Variants in ZSWIM6 observed in about 807,000 individuals in gnomAD.
ZSWIM6 encodes the protein zinc finger SWIM-type containing 6, also known as zinc finger SWIM domain-containing protein 6.
A neutral mutation model predicts 113.2 loss-of-function variants in ZSWIM6; 9 were observed. The observed-to-expected ratio is 0.08, with a 90% CI of 0.05 to 0.14. The LOEUF is 0.14. ZSWIM6 is among the 10% of genes least tolerant of loss of function. ZSWIM6 has a pLI of 1.00. For missense variants in ZSWIM6, 1,162 were observed against 1,552.2 expected, an observed-to-expected ratio of 0.75 and a Z score of 4.22; for synonymous variants, 611 against 606.5, an observed-to-expected ratio of 1.01 and a Z score of -0.11.
At chr5:61,458,867 G>T (rs1580006711) in intron 1 of ZSWIM6, among the ~76,000 whole-genome samples, 1 of 143,928 alleles carries the variant, frequency 6.9e-6, no homozygotes, top group East Asian at 2.1e-4. Flanking sequence ...AACAGAGCGA[G>T]ATTCCTTCTC....
At chr5:61,349,328 G>C (rs573500524) in intron 1 of ZSWIM6, among the ~76,000 whole-genome samples, 6 of 152,288 alleles carry the variant, frequency 3.9e-5, no homozygotes, top group African/African-American at 1.2e-4. Flanking sequence ...AACAGTGCCA[G>C]TGCATTATAT....
At chr5:61,339,396 G>T (rs1296103648) in intron 1 of ZSWIM6, among the ~76,000 whole-genome samples, 1 of 152,130 alleles carries the variant, frequency 6.6e-6, no homozygotes, top group African/African-American at 2.4e-5. Flanking sequence ...CTGGGTGACA[G>T]AGCGAGAACC....
intron 1 of ZSWIM6, among the ~76,000 whole-genome samples, chr5:61,404,038 C>T (rs1306596219): frequency 6.7e-6 from 1 of 149,752 alleles, no homozygotes. Flanking sequence ...GACGGAGTCT[C>T]GCTCTGCCGC....
At chr5:61,464,928 A>G (rs529819790) in intron 1 of ZSWIM6, among the ~76,000 whole-genome samples, 213 of 152,306 alleles carry the variant, frequency 1.4e-3, no homozygotes, top group Middle Eastern at 3.4e-3. Context: ...GCTCTAATAA[A>G]CTTCATCTGC....
At chr5:61,402,556 GTAC>G (rs956672565) in intron 1 of ZSWIM6, among the ~76,000 whole-genome samples, 1 of 151,806 alleles carries the variant, frequency 6.6e-6, no homozygotes, top group Non-Finnish European at 1.5e-5. Context: ...AAAACAGGAA[GTAC>G]TATGTCCAGA....
intron 1 of ZSWIM6, among the ~76,000 whole-genome samples, chr5:61,414,258 A>G (rs1402314020): frequency 6.6e-6 from 1 of 152,106 alleles, no homozygotes; most frequent in Non-Finnish European, 1.5e-5. Context: ...AGAAGTGGAC[A>G]TATCAGCCCA....
chr5:61,415,852 A>T (rs897885142), intron 1 of ZSWIM6, among the ~76,000 whole-genome samples: 4 of 152,224 alleles, frequency 2.6e-5, no homozygotes, highest in African/African-American at 9.6e-5. Context: ...TTTAAAAAAG[A>T]TTTTTGGTTT....
At chr5:61,336,369 A>G (rs1027591486) in intron 1 of ZSWIM6, among the ~76,000 whole-genome samples, 2 of 152,378 alleles carry the variant, frequency 1.3e-5, no homozygotes, top group South Asian at 2.1e-4. Flanking sequence ...TAGAAGTTAC[A>G]TAAAAAAAAA....
chr5:61,423,427 A>T lies in ZSWIM6; in HGVS notation c.677-49254A>T, dbSNP rs115365376. On this transcript the variant is annotated intron_variant, in intron 1 of 13. Transcript: ENST00000252744. ...CCATCTCAAAAAAAAAACACAAAAA[A>T]AAAACAAAACGGCAACAACAAAAAA... is the stretch of plus-strand genomic sequence containing the variant. Among the ~76,000 whole-genome samples, 1,416 of 152,122 alleles carry T rather than the reference A, an allele frequency of 9.3e-3. 24 individuals are homozygous for T. The highest frequency in any genetic ancestry group is 0.032 in the African/African-American group (1,337 of 41,480).
intron 1 of ZSWIM6, among the ~76,000 whole-genome samples, chr5:61,355,002 A>T (rs1052060526): frequency 2.0e-5 from 3 of 152,200 alleles, no homozygotes; most frequent in African/African-American, 7.2e-5. Context: ...ATGAGTAATT[A>T]AAGGTATCTC....
At chr5:61,417,196 T>G (rs1426808584) in intron 1 of ZSWIM6, among the ~76,000 whole-genome samples, 1 of 152,082 alleles carries the variant, frequency 6.6e-6, no homozygotes, top group Non-Finnish European at 1.5e-5. Context: ...TGTAGACTAA[T>G]GGAAATTAGG....
intron 1 of ZSWIM6, among the ~76,000 whole-genome samples, chr5:61,423,882 G>A (rs554655563): frequency 6.6e-6 from 1 of 152,210 alleles, no homozygotes; most frequent in East Asian, 1.9e-4. Flanking sequence ...ACTGGCTGAC[G>A]ACATTTTATC....
intron 1 of ZSWIM6, among the ~76,000 whole-genome samples, chr5:61,356,928 A>G (rs74736625): frequency 0.027 from 4,134 of 150,828 alleles, 178 homozygotes; most frequent in East Asian, 0.21. Context: ...GGATTTTACT[A>G]TCCAGTTTAT....
At chr5:61,380,325 C>G (rs1470369296) in intron 1 of ZSWIM6, among the ~76,000 whole-genome samples, 2 of 152,168 alleles carry the variant, frequency 1.3e-5, no homozygotes, top group African/African-American at 4.8e-5. Flanking sequence ...ATCCGCCTGC[C>G]TCGGCCTCCC....
At chr5:61,371,809 T>C (rs1689244869) in intron 1 of ZSWIM6, among the ~76,000 whole-genome samples, 1 of 152,222 alleles carries the variant, frequency 6.6e-6, no homozygotes, top group Non-Finnish European at 1.5e-5. Flanking sequence ...TGTGAAACCT[T>C]TAATCTGTGG....
rs186847079 is a variant in ZSWIM6 at position 61,391,414 on chromosome 5, A to G, written c.676+58466A>G. 7.5e-5 allele frequency: 73 copies of G among 975,242 alleles called. No homozygotes were observed. The African/African-American group carries it at 8.8e-4, about 12-fold the overall frequency. 60.4% of individuals were successfully genotyped at this position (975,242 alleles called of 1,614,324 possible). A position where few individuals can be genotyped will look rare whatever the true frequency, so the allele number is the denominator to read the frequency against. On this transcript the variant is annotated intron_variant, in intron 1 of 13. Coordinates refer to ENST00000252744, the MANE Select transcript of ZSWIM6 (RefSeq NM_020928.2). ...GCAGATGACTTGGCGGTACTTCTTCATGCTGCTGAAGTCCTTCTCCAGCTG... is the reference window on the plus strand; with the variant it reads ...GCAGATGACTTGGCGGTACTTCTTCGTGCTGCTGAAGTCCTTCTCCAGCTG...
chr5:61,542,101 C>A, intron 13 of ZSWIM6, 136 bp downstream of exon 13: 1 of 673,440 alleles, frequency 1.5e-6, no homozygotes, highest in Non-Finnish European at 2.5e-6. Flanking sequence ...ACAAGGGCTT[C>A]CTTCTCCCTG....
chr5:61,539,846 G>T, intron 12 of ZSWIM6, 87 bp downstream of exon 12: 2 of 1,310,242 alleles, frequency 1.5e-6, no homozygotes, highest in Non-Finnish European at 2.1e-6. Context: ...TTGGATTTTT[G>T]AGTGCAGGTA....
intron 1 of ZSWIM6, among the ~76,000 whole-genome samples, chr5:61,434,690 G>A (rs1477463661): frequency 1.3e-5 from 2 of 152,050 alleles, no homozygotes; most frequent in African/African-American, 2.4e-5. Context: ...CCACTTGTTG[G>A]TTGATGGGCA....
Sources: allele counts gnomAD v4.1 joint callset (sites outside exome capture counted in the v4.1 genomes callset), GRCh38; gene constraint gnomAD v4.1.1; transcripts MANE v1.5; gene names NCBI Gene and HGNC (gene_info 2026-07-23, HGNC 2026-07-21).